SUPV3L1: variants seen among roughly 807,000 people sequenced by gnomAD.
SUPV3L1 encodes Suv3 like RNA helicase.
In SUPV3L1, 35 loss-of-function variants were observed where a neutral mutation model predicts 70.0. That is an observed-to-expected ratio of 0.50 (90% CI 0.38 to 0.66). The LOEUF is 0.66. Among genes scored for constraint, SUPV3L1 ranks in the 30% least tolerant of loss-of-function variants. SUPV3L1 has a pLI of 0.00. For missense variants in SUPV3L1, 777 were observed against 961.5 expected (o/e 0.81, Z 2.54); for synonymous variants, 364 against 341.9 (o/e 1.06, Z -0.71).
At chr10:69,204,614 AGCTTAAATGTG>A (rs996873267) in intron 13 of SUPV3L1, among the ~76,000 whole-genome samples, 3 of 150,826 alleles carry the variant, frequency 2.0e-5, no homozygotes, top group African/African-American at 7.5e-5. Context: ...CATTACAGAT[AGCTTAAATGTG>A]GCTCCCTCCC....
intron 1 of SUPV3L1, among the ~76,000 whole-genome samples, chr10:69,181,404 C>A (rs114903339): frequency 0.017 from 2,598 of 152,250 alleles, 66 homozygotes; most frequent in African/African-American, 0.059. Context: ...TATTGTAAAT[C>A]TAAAATATAG....
At chr10:69,183,009 C>G (rs1189728442) in intron 1 of SUPV3L1, among the ~76,000 whole-genome samples, 1 of 152,164 alleles carries the variant, frequency 6.6e-6, no homozygotes, top group East Asian at 1.9e-4. Flanking sequence ...CTCCTTCACC[C>G]TGGACCTATA....
intron 3 of SUPV3L1, among the ~76,000 whole-genome samples, chr10:69,187,076 T>C (rs1037510276): frequency 2.0e-5 from 3 of 152,112 alleles, no homozygotes; most frequent in African/African-American, 7.2e-5. Context: ...AACAAACACA[T>C]GTTTTTGCCT....
chr10:69,207,762 C>T (rs746065596), intron 13 of SUPV3L1, 31 bp from the exon 14 acceptor site: 2 of 1,593,556 alleles, frequency 1.3e-6, no homozygotes, highest in Admixed American at 1.8e-5. Context: ...TCTGACACTT[C>T]TCTGAAACCC....
chr10:69,197,373 T>TC (rs1564708015), intron 8 of SUPV3L1, among the ~76,000 whole-genome samples: 2 of 151,724 alleles, frequency 1.3e-5, no homozygotes, highest in African/African-American at 4.9e-5. Flanking sequence ...AAATCAGTAC[T>TC]CTTAGAAGTT....
chr10:69,205,103 C>A (rs1425632256), intron 13 of SUPV3L1, among the ~76,000 whole-genome samples: 1 of 152,188 alleles, frequency 6.6e-6, no homozygotes. Context: ...TTACTCACAA[C>A]TTGCCTTTTC....
rs1430208359 is a variant in SUPV3L1 at position 69,197,038 on chromosome 10, T to A, written c.978T>A (p.Ile326=). 1.2e-6 allele frequency: 2 copies of A among 1,614,022 alleles called. No individual in the cohort carries two copies. Among genetic ancestry groups the A allele is most frequent in the Non-Finnish European group, 1.7e-6 (2 of 1,180,008 alleles). Residue 326 remains isoleucine, a synonymous_variant, in exon 8 of 15, where the codon ATT becomes ATA. Transcript: ENST00000359655. ...ATTTGTGTGGAGAACCTGCTGCTAT[T>A]GACCTGGTGATGGAGCTTATGTACA... ...EVHLCGEPAA[I]DLVMELMYTT...
intron 10 of SUPV3L1, 93 bp downstream of exon 10, chr10:69,199,290 C>T (rs572085926): frequency 4.2e-5 from 38 of 901,460 alleles, no homozygotes; most frequent in Admixed American, 1.0e-4. Flanking sequence ...AATGACCAAA[C>T]GCTATGATTT....
chr10:69,186,325 C>CAAAAAAAA, intron 2 of SUPV3L1, 118 bp from the exon 3 acceptor site: 2 of 397,778 alleles, frequency 5.0e-6, no homozygotes, highest in East Asian at 5.5e-5. Context: ...GCTGTACTGC[C>CAAAAAAAA]AAAAAAAAAA....
chr10:69,208,504 G>T, intron 14 of SUPV3L1, 96 bp from the exon 15 acceptor site: 1 of 1,314,000 alleles, frequency 7.6e-7, no homozygotes, highest in Non-Finnish European at 1.1e-6. Context: ...AGAACATTTA[G>T]AATTTATCAA....
intron 4 of SUPV3L1, 109 bp downstream of exon 4, chr10:69,187,865 G>C (rs1169432741): frequency 1.4e-6 from 1 of 697,022 alleles, no homozygotes; most frequent in African/African-American, 1.8e-5. Context: ...AAGGAGTCTG[G>C]ATTAGGTTGT....
intron 1 of SUPV3L1, among the ~76,000 whole-genome samples, chr10:69,183,130 A>C (rs953384579): frequency 6.6e-6 from 1 of 152,206 alleles, no homozygotes; most frequent in African/African-American, 2.4e-5. Context: ...TGCTCAGGTC[A>C]AAACCTGGTA....
At chr10:69,203,094 T>A in intron 13 of SUPV3L1, 51 bp downstream of exon 13, 13 of 1,529,696 alleles carry the variant, frequency 8.5e-6, no homozygotes, top group Non-Finnish European at 7.1e-6. Context: ...TGATGCAGGT[T>A]CCCCAAACAG....
rs1297376846 is a variant in SUPV3L1, at chr10:69,207,797, C to T, written c.1781C>T (p.Ala594Val). 1.2e-6 allele frequency: 2 copies of T among 1,611,360 alleles called. No homozygotes were observed. Among genetic ancestry groups the T allele is most frequent in the African/African-American group, 1.3e-5 (1 of 74,772 alleles). The change falls in exon 14 of 15, where the codon GCC (alanine) becomes GTC (valine). Residue 594 changes from alanine (A) to valine (V), a missense_variant. Coordinates refer to ENST00000359655, the MANE Select transcript of SUPV3L1 (RefSeq NM_003171.5). ...PFVCSSLLQFARQYSRNEPLT... is the reference protein window; with the variant it reads ...PFVCSSLLQFVRQYSRNEPLT... ...CTTTTCCTCTTTCTCTCTCAGTTTG[C>T]CAGGCAGTATAGCAGGAATGAGCCC...
intron 1 of SUPV3L1, among the ~76,000 whole-genome samples, chr10:69,181,598 A>G (rs542826949): frequency 1.1e-3 from 163 of 152,324 alleles, no homozygotes; most frequent in Non-Finnish European, 1.9e-3. Flanking sequence ...TGAGTAATTT[A>G]TAAACAATAG....
At chr10:69,180,832 A>C (rs1842033539) in intron 1 of SUPV3L1, among the ~76,000 whole-genome samples, 1 of 152,048 alleles carries the variant, frequency 6.6e-6, no homozygotes, top group Non-Finnish European at 1.5e-5. Context: ...ATGTGTTGGG[A>C]AGATTTGACT....
Position 69,186,084 on chromosome 10 carries a change from C to T in SUPV3L1, c.349+20C>T, listed in dbSNP as rs5030910. 336,861 of 1,603,330 alleles carry T rather than the reference C, an allele frequency of 0.21. 38,599 individuals are homozygous for T. The highest frequency in any genetic ancestry group is 0.23 in the Non-Finnish European group (272,305 of 1,172,086). On this transcript the variant is annotated intron_variant, in intron 2 of 14. Coordinates refer to ENST00000359655, the MANE Select transcript of SUPV3L1 (RefSeq NM_003171.5). ...TTGATGGTAAGGCCCAAAACATCTT[C>T]ATAGAGGTATTTTATTACCTCTTAC...
chr10:69,198,567 T>C lies in SUPV3L1; in HGVS notation c.1204+15T>C. The C allele has an allele frequency of 1.2e-6, 2 of 1,610,008 alleles. No homozygotes were observed. The highest frequency in any genetic ancestry group is 1.1e-5 in the South Asian group (1 of 89,950). On this transcript the variant is annotated intron_variant, in intron 9 of 14. Transcript: ENST00000359655. Reference sequence around the variant, plus strand: ...TCTCCCACCTGGTAATTATTGACTTTCCTCGTGACAAGATATGAAATCTCC... The same window carrying C: ...TCTCCCACCTGGTAATTATTGACTTCCCTCGTGACAAGATATGAAATCTCC...
At position 69,180,242 on chromosome 10, in the gene SUPV3L1, C is replaced by T. The variant is rs781685998; in HGVS notation, c.-50C>T. On this transcript the variant is annotated 5_prime_UTR_variant, in exon 1 of 15. Coordinates refer to ENST00000359655, the MANE Select transcript of SUPV3L1 (RefSeq NM_003171.5). The stretch of plus-strand genomic sequence containing the variant: ...AGGCGCTGGAGGTGCGCGTCACTGT[C>T]CGCCGCCGTGTCCGCGGCTGCGCCA... 1.3e-6 allele frequency: 2 copies of T among 1,578,098 alleles called. No homozygotes were observed. The highest frequency in any genetic ancestry group is 2.3e-5 in the East Asian group (1 of 44,330).
Sources: allele counts gnomAD v4.1 joint callset (sites outside exome capture counted in the v4.1 genomes callset), GRCh38; gene constraint gnomAD v4.1.1; transcripts MANE v1.5; gene names NCBI Gene and HGNC (gene_info 2026-07-23, HGNC 2026-07-21).